The following TTC34 variants were observed in gnomAD, a reference collection of about 807,000 sequenced individuals.
TTC34 encodes tetratricopeptide repeat protein 34.
A neutral mutation model predicts 40.7 loss-of-function variants in TTC34; 44 were observed. The observed-to-expected ratio is 1.08, with a 90% CI of 0.85 to 1.39. TTC34 has a LOEUF of 1.39. Among genes scored for constraint, TTC34 ranks in the 40% most tolerant of loss-of-function variants. The pLI is 0.00. For synonymous variants in TTC34, 422 were observed against 398.6 expected (o/e 1.06, Z -0.70); for missense variants, 884 against 838.0 (o/e 1.05, Z -0.68).
At chr1:2,644,285 C>A (rs763839696) in exon 8 of TTC34, 12 of 1,534,692 alleles carry the variant, frequency 7.8e-6, no homozygotes, top group African/African-American at 1.4e-5. Flanking sequence ...TCTGCCGCTC[C>A]GAGGCCTCCA....
At chr1:2,752,480 C>T (rs1641354895) in intron 6 of TTC34, among the ~76,000 whole-genome samples, 1 of 147,154 alleles carries the variant, frequency 6.8e-6, no homozygotes, top group African/African-American at 2.5e-5. Context: ...CAGCCTGGAA[C>T]AGCACCCACA....
At chr1:2,778,479 C>T (rs767731607) in intron 6 of TTC34, among the ~76,000 whole-genome samples, 1 of 152,204 alleles carries the variant, frequency 6.6e-6, no homozygotes, top group Non-Finnish European at 1.5e-5. Context: ...GTAGACAGCT[C>T]AGGCTAGTAC....
intron 6 of TTC34, among the ~76,000 whole-genome samples, chr1:2,699,243 A>C (rs77128667): frequency 0.013 from 788 of 62,338 alleles, no homozygotes; most frequent in Admixed American, 0.017. Flanking sequence ...CCGGAGCAGC[A>C]CCCATACCCC....
rs1641614202 is a variant in TTC34, at chr1:2,759,350, CCCCACACACCCA to C, written c.2226+24247_2226+24258del. Among the ~76,000 whole-genome samples the C allele has an allele frequency of 7.5e-4, 15 of 20,022 alleles. 1 individual carries two copies. The highest frequency in any genetic ancestry group is 1.5e-3 in the African/African-American group (7 of 4,702). The allele number at this position is 20,022 out of a possible 152,430, so 13.1% of individuals were successfully genotyped here. ...GAGCATCGGACAGCCTGGAGCAGCA[CCCCACACACCCA>C]GGTGAGTATCCGACAGCCTGGAGCA... On this transcript the variant is annotated intron_variant, in intron 6 of 8. Transcript: ENST00000401095.
intron 6 of TTC34, among the ~76,000 whole-genome samples, chr1:2,755,738 C>G: frequency 7.1e-6 from 1 of 140,820 alleles, no homozygotes; most frequent in Non-Finnish European, 1.5e-5. Context: ...GGAGCAGCAC[C>G]CACACACCCA....
At position 2,759,910 on chromosome 1, in the gene TTC34, A is replaced by G. The variant is rs1641638570; in HGVS notation, c.2226+23699T>C. Reference sequence around the variant, plus strand: ...AGGTGAGCATCTGACAGCCTGGAACATCACCCTGCACCCCCAGGTGAGCAT... The same window carrying G: ...AGGTGAGCATCTGACAGCCTGGAACGTCACCCTGCACCCCCAGGTGAGCAT... On this transcript the variant is annotated intron_variant, in intron 6 of 8. Transcript: ENST00000401095. Among the ~76,000 whole-genome samples, 2 of 141,300 alleles carry G rather than the reference A, an allele frequency of 1.4e-5. 1 individual carries two copies. The highest frequency in any genetic ancestry group is 3.0e-5 in the Non-Finnish European group (2 of 65,810). 92.7% of individuals were successfully genotyped at this position (141,300 alleles called of 152,430 possible). A position where few individuals can be genotyped will look rare whatever the true frequency, so the allele number is the denominator to read the frequency against.
intron 6 of TTC34, among the ~76,000 whole-genome samples, chr1:2,683,490 A>G (rs1182679639): frequency 6.7e-6 from 1 of 149,846 alleles, no homozygotes; most frequent in Non-Finnish European, 1.5e-5. Context: ...CGAGCATCTG[A>G]CAGCCTGGAA....
chr1:2,687,027 T>A, intron 6 of TTC34, among the ~76,000 whole-genome samples: 1 of 149,050 alleles, frequency 6.7e-6, no homozygotes, highest in Admixed American at 6.6e-5. Context: ...TTCGACAGCC[T>A]GGAGCAGCAC....
intron 6 of TTC34, among the ~76,000 whole-genome samples, chr1:2,657,547 G>A (rs1639395207): frequency 2.0e-5 from 2 of 98,260 alleles, no homozygotes; most frequent in Non-Finnish European, 5.3e-5. Context: ...AGAACTCCAG[G>A]TGAGCATCTG....
exon 2 of TTC34, chr1:2,800,418 A>C: frequency 2.5e-6 from 1 of 398,478 alleles, no homozygotes; most frequent in East Asian, 3.6e-5. Context: ...CCGCAGCTCC[A>C]GGACTTGCTG....
chr1:2,785,229 G>A (rs548636200), intron 5 of TTC34, among the ~76,000 whole-genome samples: 1 of 152,078 alleles, frequency 6.6e-6, no homozygotes, highest in East Asian at 1.9e-4. Flanking sequence ...AGGATGAGGG[G>A]TGCTTACTAA....
At chr1:2,687,344 C>G (rs1230087353) in intron 6 of TTC34, among the ~76,000 whole-genome samples, 1 of 130,482 alleles carries the variant, frequency 7.7e-6, no homozygotes, top group African/African-American at 3.3e-5. Flanking sequence ...GAGCATCCGA[C>G]AGCCTGGAGC....
chr1:2,657,640 C>A (rs1490633219), intron 6 of TTC34, among the ~76,000 whole-genome samples: 110 of 62,254 alleles, frequency 1.8e-3, no homozygotes, highest in Middle Eastern at 0.038. Context: ...AGCATCTGAC[C>A]GCATGGAGCA....
chr1:2,655,424 G>T (rs1171778198), intron 6 of TTC34, among the ~76,000 whole-genome samples: 40 of 90,130 alleles, frequency 4.4e-4, no homozygotes, highest in Admixed American at 1.3e-3. Context: ...CCCCAGGTGA[G>T]CATCCGACAG....
chr1:2,684,408 A>G (rs1363156419), intron 6 of TTC34, among the ~76,000 whole-genome samples: 24 of 128,396 alleles, frequency 1.9e-4, no homozygotes, highest in African/African-American at 7.1e-4. Flanking sequence ...CCAGGTGAGC[A>G]TCTGACAGAC....
intron 8 of TTC34, among the ~76,000 whole-genome samples, chr1:2,643,803 A>G (rs1235024473): frequency 6.6e-6 from 1 of 152,196 alleles, no homozygotes; most frequent in African/African-American, 2.4e-5. Flanking sequence ...GTCAGGAAGC[A>G]TTAAGGAGGT....
chr1:2,685,122 C>A (rs566361545), intron 6 of TTC34, among the ~76,000 whole-genome samples: 26 of 144,636 alleles, frequency 1.8e-4, no homozygotes, highest in African/African-American at 6.3e-4. Flanking sequence ...CCCACACCCC[C>A]AGGCGAGCAT....
intron 6 of TTC34, among the ~76,000 whole-genome samples, chr1:2,685,013 T>C (rs544214174): frequency 2.5e-5 from 3 of 121,608 alleles, no homozygotes; most frequent in Non-Finnish European, 3.5e-5. Flanking sequence ...GGCGAGCATC[T>C]GACAGCATGT....
intron 6 of TTC34, among the ~76,000 whole-genome samples, chr1:2,647,312 T>A (rs112061216): frequency 1.2e-3 from 176 of 152,324 alleles, no homozygotes; most frequent in African/African-American, 4.2e-3. Flanking sequence ...GTTTCTTCAT[T>A]TATTTTTTTA....
Sources: gnomAD v4.1 joint callset for allele counts (sites outside exome capture counted in the v4.1 genomes callset) on GRCh38, gnomAD v4.1.1 for gene constraint, MANE v1.5 for transcripts, NCBI Gene and HGNC (gene_info 2026-07-23, HGNC 2026-07-21) for gene names.